ITGA8: variants seen among roughly 807,000 people sequenced by gnomAD.
The protein encoded by ITGA8 is integrin alpha-8.
In ITGA8, 91 loss-of-function variants were observed where a neutral mutation model predicts 142.3. That is an observed-to-expected ratio of 0.64 (90% CI 0.54 to 0.76). The LOEUF (loss-of-function observed/expected upper bound fraction) is 0.76. Ranked by LOEUF, ITGA8 falls within the 30% of genes least tolerant of loss-of-function variation. ITGA8 has a pLI of 0.00. For synonymous variants in ITGA8, 505 were observed against 485.2 expected (o/e 1.04, Z -0.54); for missense variants, 1,406 against 1,327.7 (o/e 1.06, Z -0.92).
Position 15,718,872 on chromosome 10 carries a change from T to C in ITGA8, c.237A>G (p.Lys79=). The change falls in exon 2 of 30, where the codon AAA becomes AAG. Residue 79 remains lysine, a synonymous_variant. Transcript: ENST00000378076. Reference sequence around the variant, plus strand: ...CGATATCGGGCTGGCTGGTGTTGGCTTTGGGCGCCCCCACCAAGACACTCG... The same window carrying C: ...CGATATCGGGCTGGCTGGTGTTGGCCTTGGGCGCCCCCACCAAGACACTCG... ...RTASVLVGAP[K]ANTSQPDIVE... 6.2e-7 allele frequency: 1 copy of C among 1,614,080 alleles called. No individual in the cohort carries two copies.
In ITGA8 at chr10:15,654,384, G is replaced by C. The variant is rs80244442; in HGVS notation, c.1001+970C>G. 9.5e-3 allele frequency among the ~76,000 whole-genome samples: 1,444 copies of C among 152,258 alleles called. 13 individuals carry two copies. The highest frequency in any genetic ancestry group is 0.017 in the Non-Finnish European group (1,138 of 68,030). On this transcript the variant is annotated intron_variant, in intron 11 of 29. Transcript: ENST00000378076. ...GAAGTTATGGATTTCTCTGCACCTA[G>C]AACAGTGCCTGTTAGTGCACAGTAG...
chr10:15,655,470 T>C, intron 10 of ITGA8, 64 bp from the exon 11 acceptor site: 1 of 1,065,094 alleles, frequency 9.4e-7, no homozygotes, highest in Admixed American at 1.8e-5. Context: ...GTCATGTCTC[T>C]ATTATTCCTG....
Position 15,697,046 on chromosome 10 carries a change from A to AACACACACACACACAC in ITGA8, c.344-9024_344-9009dup, listed in dbSNP as rs1491456295. Among the ~76,000 whole-genome samples, 106 of 147,528 alleles carry AACACACACACACACAC rather than the reference A, an allele frequency of 7.2e-4. 1 individual carries two copies. Among genetic ancestry groups the AACACACACACACACAC allele is most frequent in the African/African-American group, 2.5e-3 (99 of 39,938 alleles). The stretch of plus-strand genomic sequence containing the variant: ...AGAGTAAGTACTCTCTTGTCTCTAA[A>AACACACACACACACAC]ACACACACACACACACACACAAGAA... On this transcript the variant is annotated intron_variant, in intron 2 of 29. Transcript: ENST00000378076.
rs144341720 is a variant in ITGA8, at chr10:15,656,861, C to T, written c.949-1455G>A. On this transcript the variant is annotated intron_variant, in intron 10 of 29. Transcript: ENST00000378076. ...AATGAACATGCAATCCCTTAGAAAG[C>T]ACACGCCCCAGGAGGCAGAGACTTT... Among the ~76,000 whole-genome samples, 583 of 152,284 alleles carry T rather than the reference C, an allele frequency of 3.8e-3. 3 individuals carry two copies. Among genetic ancestry groups the T allele is most frequent in the African/African-American group, 0.013 (553 of 41,558 alleles).
intron 4 of ITGA8, among the ~76,000 whole-genome samples, chr10:15,680,876 CT>C (rs577722270): frequency 1.8e-3 from 255 of 143,370 alleles, no homozygotes; most frequent in African/African-American, 4.9e-3. Flanking sequence ...ATTGCAAAGT[CT>C]TTTTTTTTTT....
At chr10:15,657,515 T>TTTTC (rs1834208375) in intron 10 of ITGA8, among the ~76,000 whole-genome samples, 1 of 143,982 alleles carries the variant, frequency 6.9e-6, no homozygotes, top group Non-Finnish European at 1.5e-5. Flanking sequence ...CTTTCATTTT[T>TTTTC]TTTTTTTTTT....
chr10:15,706,614 C>CT (rs1259548820), intron 2 of ITGA8, among the ~76,000 whole-genome samples: 2 of 151,934 alleles, frequency 1.3e-5, no homozygotes, highest in Admixed American at 1.3e-4. Flanking sequence ...AATTTTTTAA[C>CT]TTTTTTGTAG....
intron 13 of ITGA8, among the ~76,000 whole-genome samples, chr10:15,629,218 CCT>C (rs1833640738): frequency 6.6e-6 from 1 of 151,994 alleles, no homozygotes; most frequent in South Asian, 2.1e-4. Flanking sequence ...CACAAACCTG[CCT>C]CTCCGTTTTT....
chr10:15,519,480 C>A, intron 28 of ITGA8, 68 bp from the exon 29 acceptor site: 1 of 1,524,158 alleles, frequency 6.6e-7, no homozygotes, highest in Non-Finnish European at 9.1e-7. Context: ...ATAGTAATTA[C>A]CAGTACAACA....
chr10:15,570,371 G>A, intron 25 of ITGA8, among the ~76,000 whole-genome samples: 1 of 152,122 alleles, frequency 6.6e-6, no homozygotes, highest in East Asian at 1.9e-4. Context: ...ACTTTGGGAG[G>A]CCGAGGTGGG....
intron 13 of ITGA8, among the ~76,000 whole-genome samples, chr10:15,643,539 TAAA>T (rs376146574): frequency 4.5e-4 from 69 of 152,242 alleles, no homozygotes; most frequent in African/African-American, 1.6e-3. Flanking sequence ...CTCGGCCTCC[TAAA>T]TACTGATGAG....
At chr10:15,677,250 A>G (rs1334325047) in intron 6 of ITGA8, among the ~76,000 whole-genome samples, 1 of 152,244 alleles carries the variant, frequency 6.6e-6, no homozygotes, top group African/African-American at 2.4e-5. Context: ...ATAGTTAACA[A>G]CAATTTATCT....
chr10:15,567,733 C>T (rs1335000911), intron 25 of ITGA8, among the ~76,000 whole-genome samples: 1 of 152,144 alleles, frequency 6.6e-6, no homozygotes, highest in Non-Finnish European at 1.5e-5. Context: ...CTCAGTTGGG[C>T]CCTGGGGACA....
In ITGA8 at chr10:15,616,589, C is replaced by A. The variant is rs9333266; in HGVS notation, c.1400-30G>T. The A allele has an allele frequency of 2.8e-5, 44 of 1,593,454 alleles. 2 individuals carry two copies. In the Middle Eastern group the frequency reaches 6.6e-4, roughly 24 times the overall value. On this transcript the variant is annotated intron_variant, in intron 13 of 29. Coordinates refer to ENST00000378076, the MANE Select transcript of ITGA8 (RefSeq NM_003638.3). Reference sequence around the variant, plus strand: ...AAAAGACAAAAACACAGAACACATGCGTGAATCGTATAGAAACAATTTACT... The same window carrying A: ...AAAAGACAAAAACACAGAACACATGAGTGAATCGTATAGAAACAATTTACT...
chr10:15,687,941 AACTT>A lies in ITGA8; in HGVS notation c.437_440del (p.Lys146MetfsTer27). ...CAAGCCCACGGCTCATACTCACCAC[AACTT>A]TTCCTTTGTGAGCTTTCACTGTTGC... is the stretch of plus-strand genomic sequence containing the variant. On this transcript the variant is annotated frameshift_variant, in exon 3 of 30. Transcript: ENST00000378076. LOFTEE classifies it high-confidence loss of function. 3 of 1,602,776 alleles carry A rather than the reference AACTT, an allele frequency of 1.9e-6. No individual in the cohort carries two copies. Among genetic ancestry groups the A allele is most frequent in the Non-Finnish European group, 2.6e-6 (3 of 1,169,736 alleles).
intron 2 of ITGA8, among the ~76,000 whole-genome samples, chr10:15,705,863 T>C (rs1159821719): frequency 6.6e-6 from 1 of 152,172 alleles, no homozygotes; most frequent in Non-Finnish European, 1.5e-5. Context: ...TCCTTGTGTT[T>C]TGTACACATC....
chr10:15,671,630 C>CTGTTTTAA lies in ITGA8; in HGVS notation c.819_820insTTAAAACA (p.Gly274LeufsTer36). On this transcript the variant is annotated frameshift_variant, in exon 8 of 30. Transcript: ENST00000378076. LOFTEE classifies it high-confidence loss of function. Reference sequence around the variant, plus strand: ...TGCTGAGAATCCCCAGTAAACTCCCCAGCAGCAACTGAGTATCCTGTTTTA... The same window carrying CTGTTTTAA: ...TGCTGAGAATCCCCAGTAAACTCCCCTGTTTTAAAGCAGCAACTGAGTATCCTGTTTTA... 1 of 1,612,676 alleles carries CTGTTTTAA rather than the reference C, an allele frequency of 6.2e-7. No homozygotes were observed. The highest frequency in any genetic ancestry group is 8.5e-7 in the Non-Finnish European group (1 of 1,178,888).
At chr10:15,719,031 C>A in intron 1 of ITGA8, 132 bp from the exon 2 acceptor site, 1 of 1,341,794 alleles carries the variant, frequency 7.5e-7, no homozygotes, top group Non-Finnish European at 1.0e-6. Flanking sequence ...TGATGAGGAC[C>A]GACTGTCAAA....
chr10:15,552,062 G>A (rs565898894), intron 26 of ITGA8, among the ~76,000 whole-genome samples: 1 of 152,012 alleles, frequency 6.6e-6, no homozygotes, highest in Non-Finnish European at 1.5e-5. Context: ...TTTCGTTATT[G>A]ATCTCGACTG....
Sources: gnomAD v4.1 joint callset for allele counts (sites outside exome capture counted in the v4.1 genomes callset) on GRCh38, gnomAD v4.1.1 for gene constraint, MANE v1.5 for transcripts, NCBI Gene and HGNC (gene_info 2026-07-23, HGNC 2026-07-21) for gene names.